Variants in DPP10 observed in about 807,000 individuals in gnomAD.
DPP10 encodes the protein inactive dipeptidyl peptidase 10.
Under a neutral mutation model 120.9 loss-of-function variants are expected in DPP10, and 33 were observed. The observed-to-expected ratio is 0.27, with a 90% confidence interval of 0.21 to 0.37. The LOEUF (loss-of-function observed/expected upper bound fraction) is 0.37, where lower values mean the gene tolerates loss of function less well. Among genes scored for constraint, DPP10 ranks in the 10% least tolerant of loss-of-function variants. The probability of loss-of-function intolerance (pLI) is 1.00; values close to 1 mark genes in which losing one functional copy is unlikely to be tolerated. For synonymous variants in DPP10, 337 were observed against 326.1 expected, an observed-to-expected ratio of 1.03 and a Z score of -0.36; for missense variants, 816 against 942.8, an observed-to-expected ratio of 0.87 and a Z score of 1.76.
At chr2:114,928,390 C>T (rs945782138) in intron 1 of DPP10, among the ~76,000 whole-genome samples, 1 of 152,192 alleles carries the variant, frequency 6.6e-6, no homozygotes, top group Admixed American at 6.5e-5. Context: ...AGGCCCCACA[C>T]AAGTCTGAAA....
chr2:115,567,882 C>T (rs1050280998), intron 5 of DPP10, among the ~76,000 whole-genome samples: 1 of 152,094 alleles, frequency 6.6e-6, no homozygotes, highest in African/African-American at 2.4e-5. Flanking sequence ...TTTTTGTTAA[C>T]GTGAAAGGTA....
chr2:115,604,553 A>G (rs1488673349), intron 5 of DPP10, among the ~76,000 whole-genome samples: 4 of 152,184 alleles, frequency 2.6e-5, no homozygotes, highest in African/African-American at 9.6e-5. Flanking sequence ...AATTGCTATC[A>G]TGATTCACAA....
rs2063212437 is a variant in DPP10 at position 115,337,534 on chromosome 2, G to A, written c.176-6283G>A. Among the ~76,000 whole-genome samples the A allele has an allele frequency of 3.9e-5, 6 of 151,904 alleles. No homozygotes were observed. The South Asian group carries it at 1.2e-3, about 32-fold the overall frequency. ...ACGTGGTCTTTGTCAACATTGCCGA[G>A]CCTGTTTCTCTGTGAAATGAGGATA... is the stretch of plus-strand genomic sequence containing the variant. On this transcript the variant is annotated intron_variant, in intron 2 of 25. Transcript: ENST00000410059.
chr2:114,872,885 C>T (rs1366233866), intron 1 of DPP10, among the ~76,000 whole-genome samples: 1 of 152,176 alleles, frequency 6.6e-6, no homozygotes, highest in Admixed American at 6.5e-5. Context: ...ACATAAATTA[C>T]ACGTTCATTA....
intron 4 of DPP10, among the ~76,000 whole-genome samples, chr2:115,514,413 T>C (rs2077392542): frequency 6.6e-6 from 1 of 151,760 alleles, no homozygotes; most frequent in Admixed American, 6.6e-5. Flanking sequence ...TTTTTAAATA[T>C]TGGATATGTC....
intron 1 of DPP10, among the ~76,000 whole-genome samples, chr2:114,689,522 T>C (rs1699598258): frequency 6.6e-6 from 1 of 152,116 alleles, no homozygotes; most frequent in African/African-American, 2.4e-5. Flanking sequence ...TTTGATATTG[T>C]GAATAGTGCT....
chr2:114,812,728 TTGTTTGTC>T (rs1182107629), intron 1 of DPP10, among the ~76,000 whole-genome samples: 4 of 152,252 alleles, frequency 2.6e-5, no homozygotes, highest in African/African-American at 9.6e-5. Flanking sequence ...GTTTGTTTGT[TTGTTTGTC>T]TGTCTTTGTT....
intron 24 of DPP10, among the ~76,000 whole-genome samples, chr2:115,837,180 C>A (rs1313596386): frequency 6.6e-6 from 1 of 152,166 alleles, no homozygotes; most frequent in Admixed American, 6.5e-5. Context: ...GCTGCAAGCA[C>A]TGACATGAAA....
At chr2:114,998,101 C>G (rs548067601) in intron 1 of DPP10, among the ~76,000 whole-genome samples, 1 of 152,240 alleles carries the variant, frequency 6.6e-6, no homozygotes, top group Admixed American at 6.5e-5. Flanking sequence ...AAGCAATCAT[C>G]TTCTTACACT....
chr2:115,480,369 T>A (rs1574969744), intron 3 of DPP10, among the ~76,000 whole-genome samples: 1 of 152,150 alleles, frequency 6.6e-6, no homozygotes, highest in Non-Finnish European at 1.5e-5. Flanking sequence ...CATAACTGAA[T>A]TTTTTTCTTA....
chr2:115,228,325 C>T (rs577227513), intron 1 of DPP10, among the ~76,000 whole-genome samples: 2 of 151,962 alleles, frequency 1.3e-5, no homozygotes, highest in South Asian at 2.1e-4. Flanking sequence ...GGGTGTCCAG[C>T]ACCTTAAGCA....
chr2:114,575,032 C>T (rs1689951340), intron 1 of DPP10, among the ~76,000 whole-genome samples: 1 of 152,036 alleles, frequency 6.6e-6, no homozygotes, highest in Non-Finnish European at 1.5e-5. Flanking sequence ...GACGAAGGGG[C>T]TTGAAGAATA....
intron 1 of DPP10, among the ~76,000 whole-genome samples, chr2:115,055,664 G>A (rs1163805461): frequency 6.6e-6 from 1 of 152,152 alleles, no homozygotes; most frequent in Admixed American, 6.5e-5. Flanking sequence ...TTGTCCAAGA[G>A]TAGTTTGAAG....
At chr2:115,730,473 G>A (rs78835720) in intron 8 of DPP10, among the ~76,000 whole-genome samples, 3,422 of 152,212 alleles carry the variant, frequency 0.022, 94 homozygotes, top group Non-Finnish European at 0.025. Context: ...ACGTACTGAC[G>A]TGCTCCCTTG....
intron 1 of DPP10, among the ~76,000 whole-genome samples, chr2:114,929,404 G>A (rs1695894755): frequency 6.6e-6 from 1 of 152,186 alleles, no homozygotes; most frequent in South Asian, 2.1e-4. Flanking sequence ...GCAGACCAGG[G>A]CTTATTTCAT....
In DPP10 at chr2:114,887,878, G is replaced by A. The variant is rs192254779; in HGVS notation, c.61-421361G>A. Among the ~76,000 whole-genome samples, 17 of 152,242 alleles carry A rather than the reference G, an allele frequency of 1.1e-4. 1 individual carries two copies. The East Asian group carries it at 2.5e-3, about 23-fold the overall frequency. ...TCATGGGTTAGGCGAGGTGGCTCAC[G>A]CCTGTTATTCCCGCACTTTGGGAGG... On this transcript the variant is annotated intron_variant, in intron 1 of 25. Coordinates refer to ENST00000410059, the MANE Select transcript of DPP10 (RefSeq NM_020868.6).
At chr2:114,989,742 T>A (rs1700650096) in intron 1 of DPP10, among the ~76,000 whole-genome samples, 1 of 152,202 alleles carries the variant, frequency 6.6e-6, no homozygotes, top group Admixed American at 6.5e-5. Context: ...AGATTTAAGG[T>A]AACATTTCCC....
intron 3 of DPP10, among the ~76,000 whole-genome samples, chr2:115,488,855 A>G (rs1667531169): frequency 9.3e-6 from 1 of 107,328 alleles, no homozygotes; most frequent in African/African-American, 3.1e-5. Flanking sequence ...CAATGTGCAC[A>G]TGTACCCTAA....
intron 1 of DPP10, among the ~76,000 whole-genome samples, chr2:114,612,126 A>G (rs1558931977): frequency 6.6e-6 from 1 of 152,080 alleles, no homozygotes; most frequent in Non-Finnish European, 1.5e-5. Context: ...GTCTCCCTCC[A>G]CTGGTTTTCT....
Sources: gnomAD v4.1 joint callset for allele counts (sites outside exome capture counted in the v4.1 genomes callset) on GRCh38, gnomAD v4.1.1 for gene constraint, MANE v1.5 for transcripts, NCBI Gene and HGNC (gene_info 2026-07-23, HGNC 2026-07-21) for gene names.